Variants in TBC1D5 observed in about 807,000 individuals in gnomAD.
TBC1D5 encodes TBC1 domain family member 5.
A neutral mutation model predicts 100.3 loss-of-function variants in TBC1D5; 75 were observed. That is an observed-to-expected ratio of 0.75 (90% confidence interval 0.62 to 0.91). TBC1D5 has a LOEUF of 0.91. Among genes scored for constraint, TBC1D5 ranks in the 40% least tolerant of loss-of-function variants. The pLI is 0.00. For missense variants in TBC1D5, 910 were observed against 942.4 expected (o/e 0.97, Z 0.45); for synonymous variants, 323 against 325.6 (o/e 0.99, Z 0.09).
At chr3:17,243,280 T>C (rs1253341984) in intron 16 of TBC1D5, among the ~76,000 whole-genome samples, 4 of 152,186 alleles carry the variant, frequency 2.6e-5, no homozygotes, top group Non-Finnish European at 4.4e-5. Context: ...TTATACTATT[T>C]TGTGACCTGA....
At chr3:17,311,256 A>G (rs530529845) in intron 13 of TBC1D5, among the ~76,000 whole-genome samples, 29 of 152,136 alleles carry the variant, frequency 1.9e-4, no homozygotes, top group African/African-American at 6.3e-4. Context: ...TATACTATCA[A>G]TCTTGCTTTA....
intron 1 of TBC1D5, among the ~76,000 whole-genome samples, chr3:17,675,315 A>T (rs2068485844): frequency 6.6e-6 from 1 of 152,098 alleles, no homozygotes; most frequent in African/African-American, 2.4e-5. Flanking sequence ...CTAAGATATG[A>T]CTTAGGAATG....
At chr3:17,683,821 T>G (rs1406085116) in intron 1 of TBC1D5, among the ~76,000 whole-genome samples, 1 of 152,198 alleles carries the variant, frequency 6.6e-6, no homozygotes, top group Non-Finnish European at 1.5e-5. Context: ...GTAAAAGATA[T>G]GAGCTCTGTA....
chr3:17,485,264 T>G (rs114576119), intron 3 of TBC1D5, among the ~76,000 whole-genome samples: 9,212 of 151,986 alleles, frequency 0.061, 542 homozygotes, highest in African/African-American at 0.15. Flanking sequence ...CAATTACTTT[T>G]AAAGATAGAA....
chr3:17,665,676 G>A (rs2067181408), intron 1 of TBC1D5, among the ~76,000 whole-genome samples: 1 of 152,166 alleles, frequency 6.6e-6, no homozygotes. Context: ...CCTGATCAGT[G>A]TGCTGTATGA....
intron 2 of TBC1D5, among the ~76,000 whole-genome samples, chr3:17,616,521 C>G (rs1339781952): frequency 6.6e-6 from 1 of 152,028 alleles, no homozygotes; most frequent in Non-Finnish European, 1.5e-5. Context: ...GTGTGGGAGT[C>G]TAAGTCTCTT....
At chr3:17,227,304 C>T (rs1220120337) in intron 17 of TBC1D5, among the ~76,000 whole-genome samples, 3 of 152,148 alleles carry the variant, frequency 2.0e-5, no homozygotes, top group African/African-American at 7.2e-5. Flanking sequence ...GAACATCTAG[C>T]TTAATCAGGG....
intron 3 of TBC1D5, among the ~76,000 whole-genome samples, chr3:17,495,307 C>A (rs145695870): frequency 2.6e-5 from 4 of 152,302 alleles, no homozygotes; most frequent in African/African-American, 7.2e-5. Flanking sequence ...ATTTTATGAA[C>A]CTTTGTCATT....
At chr3:17,596,877 T>C in intron 2 of TBC1D5, among the ~76,000 whole-genome samples, 1 of 152,164 alleles carries the variant, frequency 6.6e-6, no homozygotes, top group Non-Finnish European at 1.5e-5. Context: ...CCCTTCTGCA[T>C]GAACTACAAC....
intron 1 of TBC1D5, among the ~76,000 whole-genome samples, chr3:17,729,883 C>T (rs373316796): frequency 5.3e-5 from 8 of 152,034 alleles, no homozygotes; most frequent in Non-Finnish European, 2.9e-5. Context: ...CCAAGGCGGG[C>T]GAATCACCTG....
At chr3:17,187,433 T>C (rs908504063) in intron 18 of TBC1D5, among the ~76,000 whole-genome samples, 3 of 152,178 alleles carry the variant, frequency 2.0e-5, no homozygotes, top group African/African-American at 4.8e-5. Context: ...TCAAAAGTTC[T>C]AGACACGTGA....
chr3:17,480,322 G>A (rs1365471550), intron 3 of TBC1D5, among the ~76,000 whole-genome samples: 2 of 152,206 alleles, frequency 1.3e-5, no homozygotes, highest in Admixed American at 1.3e-4. Context: ...GCAGAAACAG[G>A]CAGCTCCCCA....
chr3:17,603,559 C>A (rs1311431664), intron 2 of TBC1D5, among the ~76,000 whole-genome samples: 1 of 152,132 alleles, frequency 6.6e-6, no homozygotes, highest in Non-Finnish European at 1.5e-5. Flanking sequence ...CCGGAAAACT[C>A]ATGAATAGCC....
chr3:17,517,962 T>G (rs114241885), intron 2 of TBC1D5, among the ~76,000 whole-genome samples: 4,548 of 152,224 alleles, frequency 0.03, 222 homozygotes, highest in African/African-American at 0.1. Context: ...GGGACATATA[T>G]CGAAAGCTGC....
intron 4 of TBC1D5, among the ~76,000 whole-genome samples, chr3:17,424,466 T>C (rs562557517): frequency 6.6e-6 from 1 of 152,310 alleles, no homozygotes; most frequent in South Asian, 2.1e-4. Flanking sequence ...AATGGTTAAA[T>C]AAGGAACAGA....
At chr3:17,729,231 A>G (rs1013862424) in intron 1 of TBC1D5, among the ~76,000 whole-genome samples, 6 of 151,938 alleles carry the variant, frequency 3.9e-5, no homozygotes, top group African/African-American at 1.4e-4. Context: ...TCTATAAGGC[A>G]GTTTTGCAGT....
At chr3:17,508,926 C>G (rs1417714279) in intron 2 of TBC1D5, among the ~76,000 whole-genome samples, 1 of 152,056 alleles carries the variant, frequency 6.6e-6, no homozygotes. Context: ...TTTTGTTTTA[C>G]AGCCAAAATA....
chr3:17,393,731 C>A (rs1483681049), intron 8 of TBC1D5, among the ~76,000 whole-genome samples: 1 of 152,090 alleles, frequency 6.6e-6, no homozygotes, highest in African/African-American at 2.4e-5. Context: ...GGAAAGGACT[C>A]CCTATTTAGT....
At chr3:17,489,015 T>C (rs958269375) in intron 3 of TBC1D5, among the ~76,000 whole-genome samples, 1 of 151,248 alleles carries the variant, frequency 6.6e-6, no homozygotes, top group African/African-American at 2.4e-5. Flanking sequence ...CCCACCGGAC[T>C]CCGGTCCATG....
Sources: allele counts gnomAD v4.1 joint callset (sites outside exome capture counted in the v4.1 genomes callset), GRCh38; gene constraint gnomAD v4.1.1; transcripts MANE v1.5; gene names NCBI Gene and HGNC (gene_info 2026-07-23, HGNC 2026-07-21).